The following VNN1 variants were observed in gnomAD, a reference collection of about 807,000 sequenced individuals.
The protein encoded by VNN1 is vanin 1.
VNN1 carries 29 observed loss-of-function variants against 41.9 expected under a neutral mutation model. The observed-to-expected ratio is 0.69, with a 90% CI of 0.52 to 0.94. The LOEUF is 0.94. Among genes scored for constraint, VNN1 ranks in the 40% least tolerant of loss-of-function variants. The pLI is 0.00. For synonymous variants in VNN1, 233 were observed against 224.4 expected (o/e 1.04, Z -0.34); for missense variants, 637 against 621.1 (o/e 1.03, Z -0.27).
intron 5 of VNN1, among the ~76,000 whole-genome samples, chr6:132,690,983 T>C (rs1188199269): frequency 2.0e-5 from 3 of 152,102 alleles, no homozygotes; most frequent in African/African-American, 7.2e-5. Flanking sequence ...TATGAAAGAT[T>C]AGTAGGTGGG....
At chr6:132,685,707 AGAGCTAGG>A (rs1778195502) in intron 5 of VNN1, among the ~76,000 whole-genome samples, 1 of 152,182 alleles carries the variant, frequency 6.6e-6, no homozygotes, top group Non-Finnish European at 1.5e-5. Flanking sequence ...CTCTATACCT[AGAGCTAGG>A]AGTAAAGTTG....
chr6:132,699,935 T>C (rs1333626791), intron 2 of VNN1, among the ~76,000 whole-genome samples: 2 of 152,186 alleles, frequency 1.3e-5, no homozygotes, highest in Non-Finnish European at 2.9e-5. Flanking sequence ...GAAAACAGCA[T>C]CTTTCTTAAT....
intron 1 of VNN1, 40 bp downstream of exon 1, chr6:132,713,786 C>T (rs1275687450): frequency 6.2e-7 from 1 of 1,601,128 alleles, no homozygotes; most frequent in African/African-American, 1.3e-5. Flanking sequence ...CCTCCTTTCT[C>T]ATAGAATCCA....
intron 4 of VNN1, 136 bp from the exon 5 acceptor site, chr6:132,692,720 T>C: frequency 7.9e-7 from 1 of 1,260,730 alleles, no homozygotes; most frequent in Non-Finnish European, 1.0e-6. Context: ...CAGTAAAACA[T>C]GCTGATAAAG....
Position 132,694,458 on chromosome 6 carries a change from T to C in VNN1, c.342-276A>G, listed in dbSNP as rs370062677. ...CGTAATCTATAGTCATATTTTCACT[T>C]ACGTGTTTGTCTTATAATGTCTGCA... On this transcript the variant is annotated intron_variant, in intron 2 of 6. Coordinates refer to ENST00000367928, the MANE Select transcript of VNN1 (RefSeq NM_004666.3). Among the ~76,000 whole-genome samples, 19 of 152,326 alleles carry C rather than the reference T, an allele frequency of 1.2e-4. 2 individuals are homozygous for C. Among genetic ancestry groups the C allele is most frequent in the East Asian group, 5.8e-4 (3 of 5,182 alleles).
Position 132,709,082 on chromosome 6 carries a change from G to A in VNN1, c.341+2627C>T, listed in dbSNP as rs1008134686. On this transcript the variant is annotated intron_variant, in intron 2 of 6. Transcript: ENST00000367928. The stretch of plus-strand genomic sequence containing the variant: ...CGACCTTTTAAAATTTCAGCCCCAC[G>A]CTTGCCACCCTATTCACCTTCCCCA... Among the ~76,000 whole-genome samples the A allele has an allele frequency of 2.6e-5, 4 of 151,962 alleles. 1 individual carries two copies. Among genetic ancestry groups the A allele is most frequent in the South Asian group, 4.2e-4 (2 of 4,808 alleles).
chr6:132,706,536 C>T (rs1321962343), intron 2 of VNN1, among the ~76,000 whole-genome samples: 1 of 152,114 alleles, frequency 6.6e-6, no homozygotes, highest in Non-Finnish European at 1.5e-5. Context: ...AATATTTGAC[C>T]TCAAACTATG....
Position 132,713,873 on chromosome 6 carries a change from G to C in VNN1, c.163C>G (p.Arg55Gly). The change falls in exon 1 of 7, where the codon CGG becomes GGG. Residue 55 changes from arginine (R) to glycine (G), a missense_variant. Arg to Gly is a moderately radical substitution (Grantham distance 125). Coordinates refer to ENST00000367928, the MANE Select transcript of VNN1 (RefSeq NM_004666.3). ...GCTCCTTCCAAAATGTCCAGATTCC[G>C]ATTCATTAATGCCAAAGCCTCCTCA... ...SREEALALMNRNLDILEGAIT... is the reference protein window; with the variant it reads ...SREEALALMNGNLDILEGAIT... 1.9e-6 allele frequency: 3 copies of C among 1,613,652 alleles called. No homozygotes were observed. The South Asian group carries it at 3.3e-5, about 18-fold the overall frequency.
At position 132,693,259 on chromosome 6, in the gene VNN1, C is replaced by A; in HGVS notation, c.591G>T (p.Val197=). The change falls in exon 4 of 7, where the codon GTG becomes GTT. Residue 197 remains valine (V), a synonymous_variant. Transcript: ENST00000367928. ...QFNVPKEPEI[V]TFNTTFGSFG... Reference sequence around the variant, plus strand: ...AACTTCCAAAGGTGGTATTGAAAGTCACAATCTCAGGCTCCTTGGGTACAT... The same window carrying A: ...AACTTCCAAAGGTGGTATTGAAAGTAACAATCTCAGGCTCCTTGGGTACAT... 1 of 1,613,980 alleles carries A rather than the reference C, an allele frequency of 6.2e-7. No individual in the cohort carries two copies. Among genetic ancestry groups the A allele is most frequent in the South Asian group, 1.1e-5 (1 of 91,060 alleles).
At chr6:132,705,854 A>G (rs1778510326) in intron 2 of VNN1, among the ~76,000 whole-genome samples, 1 of 152,188 alleles carries the variant, frequency 6.6e-6, no homozygotes, top group African/African-American at 2.4e-5. Flanking sequence ...AATCAGTAGC[A>G]TTTCTGTGCC....
intron 2 of VNN1, among the ~76,000 whole-genome samples, chr6:132,697,563 A>G (rs1448815516): frequency 6.6e-6 from 1 of 151,982 alleles, no homozygotes; most frequent in Non-Finnish European, 1.5e-5. Context: ...TTTATCCTCT[A>G]TTGCACAACT....
chr6:132,691,898 C>T (rs1374816535), intron 5 of VNN1, among the ~76,000 whole-genome samples: 1 of 151,592 alleles, frequency 6.6e-6, no homozygotes, highest in Non-Finnish European at 1.5e-5. Context: ...GTCCCAGCTA[C>T]TTGGGAGGCT....
chr6:132,697,368 T>C (rs1417058090), intron 2 of VNN1, among the ~76,000 whole-genome samples: 1 of 152,114 alleles, frequency 6.6e-6, no homozygotes, highest in Non-Finnish European at 1.5e-5. Context: ...TAGGAAGCTG[T>C]TGCCATTGTT....
At chr6:132,684,249 A>G (rs1778173294) in intron 6 of VNN1, 86 bp downstream of exon 6, 5 of 1,343,320 alleles carry the variant, frequency 3.7e-6, no homozygotes, top group Non-Finnish European at 5.0e-6. Context: ...AAATTTTATG[A>G]TATTTGTAAG....
In VNN1 at chr6:132,684,359, A is replaced by AT; in HGVS notation, c.1334dup (p.Asn445LysfsTer13). 1 of 1,612,612 alleles carries AT rather than the reference A, an allele frequency of 6.2e-7. No homozygotes were observed. Among genetic ancestry groups the AT allele is most frequent in the Non-Finnish European group, 8.5e-7 (1 of 1,179,176 alleles). ...CCTGAAATTCTCCAGGTGCAAGCTG[A>AT]TTTTCACTCAGCAACACCTCAGGAA... On this transcript the variant is annotated frameshift_variant, in exon 6 of 7. Transcript: ENST00000367928. LOFTEE classifies it low-confidence loss of function (END_TRUNC).
At chr6:132,707,331 T>C (rs1182150720) in intron 2 of VNN1, among the ~76,000 whole-genome samples, 1 of 151,988 alleles carries the variant, frequency 6.6e-6, no homozygotes, top group Non-Finnish European at 1.5e-5. Flanking sequence ...GGAACCCTCA[T>C]ACACTGTTAG....
In VNN1 at chr6:132,683,175, C is replaced by T; in HGVS notation, c.1507G>A (p.Val503Ile). 13 of 1,613,802 alleles carry T rather than the reference C, an allele frequency of 8.1e-6. No homozygotes were observed. The highest frequency in any genetic ancestry group is 1.0e-5 in the Non-Finnish European group (12 of 1,179,880). Reference protein sequence around the residue: ...TAQARIIMLIVIAPIVCSLSW With the variant: ...TAQARIIMLIIIAPIVCSLSW ...AATGAGCATACAATAGGTGCTATAA[C>T]TATTAGCATTATTATTCTTGCTTGT... Residue 503 changes from valine to isoleucine, a missense_variant, in exon 7 of 7, where the codon GTT becomes ATT. Val to Ile is a conservative substitution (Grantham distance 29). Coordinates refer to ENST00000367928, the MANE Select transcript of VNN1 (RefSeq NM_004666.3).
intron 2 of VNN1, among the ~76,000 whole-genome samples, chr6:132,708,901 C>G (rs553523527): frequency 1.3e-5 from 2 of 152,124 alleles, no homozygotes; most frequent in Admixed American, 1.3e-4. Context: ...CACACTAACC[C>G]TTTTTCTGTT....
At chr6:132,687,806 T>C (rs748894064) in intron 5 of VNN1, among the ~76,000 whole-genome samples, 17 of 152,198 alleles carry the variant, frequency 1.1e-4, no homozygotes, top group South Asian at 6.2e-4. Flanking sequence ...GATATGGGGT[T>C]TTAACAAAAA....
Sources: gnomAD v4.1 joint callset for allele counts (sites outside exome capture counted in the v4.1 genomes callset) on GRCh38, gnomAD v4.1.1 for gene constraint, MANE v1.5 for transcripts, NCBI Gene and HGNC (gene_info 2026-07-23, HGNC 2026-07-21) for gene names.